Variants in APLF observed in about 807,000 individuals in gnomAD.
APLF encodes the protein aprataxin and PNK-like factor.
A neutral mutation model predicts 55.6 loss-of-function variants in APLF; 61 were observed. That is an observed-to-expected ratio of 1.10 (90% CI 0.89 to 1.36). APLF has a LOEUF of 1.36. APLF is among the 40% of genes most tolerant of loss of function. APLF has a pLI of 0.00. For synonymous variants in APLF, 207 were observed against 214.8 expected (o/e 0.96, Z 0.32); for missense variants, 611 against 602.5 (o/e 1.01, Z -0.15).
At chr2:68,557,560 G>A (rs1380121675) in intron 8 of APLF, among the ~76,000 whole-genome samples, 1 of 152,174 alleles carries the variant, frequency 6.6e-6, no homozygotes, top group Non-Finnish European at 1.5e-5. Context: ...CTAGTTATCA[G>A]GTAGTTAAGA....
At chr2:68,560,545 T>G (rs1671140709) in intron 8 of APLF, among the ~76,000 whole-genome samples, 1 of 152,094 alleles carries the variant, frequency 6.6e-6, no homozygotes, top group African/African-American at 2.4e-5. Context: ...ACCTAAACTT[T>G]TTGTTACTTA....
rs185667546 is a variant in APLF, at chr2:68,493,621, A to G, written c.168+3360A>G. ...TGTAATTGGAACACGTAATTAGGCC[A>G]TTCATGCATTGACATAAAGAAATAC... On this transcript the variant is annotated intron_variant, in intron 2 of 9. Coordinates refer to ENST00000303795, the MANE Select transcript of APLF (RefSeq NM_173545.3). Among the ~76,000 whole-genome samples, 57 of 152,348 alleles carry G rather than the reference A, an allele frequency of 3.7e-4. No individual in the cohort carries two copies. In the East Asian group the frequency reaches 8.3e-3, roughly 22 times the overall value.
chr2:68,513,258 A>G, intron 4 of APLF, 31 bp downstream of exon 4: 1 of 1,578,370 alleles, frequency 6.3e-7, no homozygotes. Context: ...TCCATTTATA[A>G]CATGTTCTTC....
At chr2:68,534,960 A>T (rs536588688) in intron 6 of APLF, among the ~76,000 whole-genome samples, 2 of 152,342 alleles carry the variant, frequency 1.3e-5, no homozygotes, top group East Asian at 3.8e-4. Context: ...TAAACCATGA[A>T]TGTTAAATTC....
intron 1 of APLF, among the ~76,000 whole-genome samples, chr2:68,485,592 T>C (rs553315710): frequency 6.6e-5 from 10 of 152,234 alleles, no homozygotes; most frequent in African/African-American, 2.2e-4. Context: ...CTTTTTCTTG[T>C]TGGGAAATAA....
intron 6 of APLF, among the ~76,000 whole-genome samples, chr2:68,535,964 A>G (rs1157626514): frequency 6.6e-6 from 1 of 152,224 alleles, no homozygotes; most frequent in African/African-American, 2.4e-5. Flanking sequence ...CAAGAGATAC[A>G]TTTTATTGAA....
intron 5 of APLF, among the ~76,000 whole-genome samples, chr2:68,517,035 A>G (rs1669610832): frequency 8.2e-6 from 1 of 121,786 alleles, no homozygotes; most frequent in South Asian, 2.3e-4. Context: ...ATTAATATAT[A>G]ATATATAATA....
chr2:68,551,975 A>G (rs1330869301), intron 8 of APLF, among the ~76,000 whole-genome samples: 1 of 150,438 alleles, frequency 6.6e-6, no homozygotes, highest in African/African-American at 2.4e-5. Context: ...TTTTATTAAA[A>G]CTCAGTACAC....
intron 5 of APLF, among the ~76,000 whole-genome samples, chr2:68,515,959 G>T (rs1338244248): frequency 1.3e-5 from 2 of 151,732 alleles, no homozygotes; most frequent in African/African-American, 2.4e-5. Context: ...AGGCCAATAT[G>T]AGAGATTTTT....
At chr2:68,495,320 G>T (rs985061029) in intron 2 of APLF, among the ~76,000 whole-genome samples, 12 of 152,212 alleles carry the variant, frequency 7.9e-5, no homozygotes, top group African/African-American at 2.2e-4. Context: ...AACAATGGGG[G>T]TATAGGCATT....
At chr2:68,481,362 G>GTT (rs1355483371) in intron 1 of APLF, among the ~76,000 whole-genome samples, 1 of 2,098 alleles carries the variant, frequency 4.8e-4, no homozygotes, top group African/African-American at 5.4e-4. Context: ...TGGGCTGGCA[G>GTT]TTTTGTTTTG....
At chr2:68,493,164 A>C (rs540382071) in intron 2 of APLF, among the ~76,000 whole-genome samples, 106 of 152,336 alleles carry the variant, frequency 7.0e-4, no homozygotes, top group Non-Finnish European at 1.2e-3. Context: ...CTGTCTTAAC[A>C]AGAAGTTTTA....
intron 9 of APLF, among the ~76,000 whole-genome samples, chr2:68,571,476 G>A (rs989005825): frequency 5.9e-5 from 9 of 152,156 alleles, no homozygotes; most frequent in African/African-American, 2.2e-4. Flanking sequence ...TTTGTATAAG[G>A]TGTAAGGAAG....
chr2:68,533,336 A>G (rs1258037614), intron 6 of APLF, among the ~76,000 whole-genome samples: 1 of 152,192 alleles, frequency 6.6e-6, no homozygotes, highest in Non-Finnish European at 1.5e-5. Context: ...TTTATAATCT[A>G]TATTATATTA....
intron 2 of APLF, among the ~76,000 whole-genome samples, chr2:68,493,296 A>C (rs908239092): frequency 6.6e-6 from 1 of 152,156 alleles, no homozygotes; most frequent in Non-Finnish European, 1.5e-5. Context: ...AGTTTTTATC[A>C]GTAAATGGTA....
At chr2:68,518,469 A>G (rs1331485025) in intron 5 of APLF, among the ~76,000 whole-genome samples, 4 of 112,324 alleles carry the variant, frequency 3.6e-5, no homozygotes, top group South Asian at 2.4e-4. Flanking sequence ...TATATAACAT[A>G]TTAATAATAC....
chr2:68,555,811 A>G (rs1291953193), intron 8 of APLF, among the ~76,000 whole-genome samples: 1 of 152,242 alleles, frequency 6.6e-6, no homozygotes, highest in East Asian at 1.9e-4. Flanking sequence ...TTAAACAACT[A>G]AAAGTAGAAC....
intron 3 of APLF, among the ~76,000 whole-genome samples, chr2:68,504,956 TATGGAC>T (rs1275712553): frequency 1.3e-5 from 2 of 152,074 alleles, no homozygotes; most frequent in Non-Finnish European, 2.9e-5. Context: ...TTTAAACAAA[TATGGAC>T]ATATTCTGTG....
chr2:68,578,754 GTGTGCTGTCTTTA>G lies in APLF; in HGVS notation c.*734_*746del. On this transcript the variant is annotated 3_prime_UTR_variant, in exon 10 of 10. Transcript: ENST00000303795. ...TCCTAGCTGATTATTTTAACTCTCA[GTGTGCTGTCTTTA>G]TATTAAGAATAGAGAAACGACATAA... The G allele has an allele frequency of 1.0e-6, 1 of 985,094 alleles. No homozygotes were observed. 61.0% of individuals were successfully genotyped at this position (985,094 alleles called of 1,614,324 possible). A position where few individuals can be genotyped will look rare whatever the true frequency, so the allele number is the denominator to read the frequency against.
Sources: allele counts gnomAD v4.1 joint callset (sites outside exome capture counted in the v4.1 genomes callset), GRCh38; gene constraint gnomAD v4.1.1; transcripts MANE v1.5; gene names NCBI Gene and HGNC (gene_info 2026-07-23, HGNC 2026-07-21).